Variants in RORA observed in about 807,000 individuals in gnomAD.
RORA encodes RAR related orphan receptor A.
RORA carries 7 observed loss-of-function variants against 69.5 expected under a neutral mutation model. That is an observed-to-expected ratio of 0.10 (90% CI 0.06 to 0.19). The LOEUF is 0.19. Among genes scored for constraint, RORA ranks in the 10% least tolerant of loss-of-function variants. The pLI, the probability that RORA is intolerant of heterozygous loss-of-function variation, is 1.00. For synonymous variants in RORA, 261 were observed against 240.8 expected (o/e 1.08, Z -0.78); for missense variants, 457 against 663.0 (o/e 0.69, Z 3.41).
intron 1 of RORA, among the ~76,000 whole-genome samples, chr15:61,215,118 C>T (rs1260335325): frequency 2.8e-5 from 4 of 143,420 alleles, no homozygotes; most frequent in South Asian, 2.2e-4. Flanking sequence ...CTCATGACCT[C>T]GTGATCCGCC....
intron 5 of RORA, among the ~76,000 whole-genome samples, chr15:60,509,561 A>T (rs558920906): frequency 6.6e-5 from 10 of 152,194 alleles, no homozygotes; most frequent in Admixed American, 1.3e-4. Context: ...CCTAAGGCCT[A>T]TGGATTTATT....
At chr15:61,163,043 T>C (rs539840294) in intron 1 of RORA, among the ~76,000 whole-genome samples, 124 of 152,342 alleles carry the variant, frequency 8.1e-4, no homozygotes, top group African/African-American at 2.8e-3. Flanking sequence ...TCAATGCCAA[T>C]GGCTCCAAGT....
rs912873966 is a variant in RORA, at chr15:60,489,981, A to G, written c.*7474T>C. ...AAAGTAAATGCTAATAAGTTTCCAT[A>G]TAGCCATATTTATAAACAAATTCAC... On this transcript the variant is annotated 3_prime_UTR_variant, in exon 11 of 11. Transcript: ENST00000335670. 6.6e-6 allele frequency: 1 copy of G among 152,158 alleles called. No homozygotes were observed. The highest frequency in any genetic ancestry group is 2.4e-5 in the African/African-American group (1 of 41,438). 9.4% of individuals were successfully genotyped at this position (152,158 alleles called of 1,614,324 possible). A position where few individuals can be genotyped will look rare whatever the true frequency, so the allele number is the denominator to read the frequency against.
intron 1 of RORA, among the ~76,000 whole-genome samples, chr15:61,006,870 C>G (rs1351145291): frequency 6.6e-6 from 1 of 152,166 alleles, no homozygotes; most frequent in African/African-American, 2.4e-5. Context: ...GGTTTTCAAA[C>G]TAGAAAATGT....
chr15:60,954,182 T>A (rs1893194735), intron 1 of RORA, among the ~76,000 whole-genome samples: 1 of 143,398 alleles, frequency 7.0e-6, no homozygotes, highest in South Asian at 2.3e-4. Context: ...CTCAGTAAAC[T>A]ATCGCAAGAA....
intron 1 of RORA, among the ~76,000 whole-genome samples, chr15:61,211,101 C>A (rs1043193525): frequency 1.3e-5 from 2 of 152,108 alleles, no homozygotes; most frequent in Non-Finnish European, 2.9e-5. Flanking sequence ...TTCTTCAGGG[C>A]TCAATTATAA....
chr15:60,956,089 G>A (rs1366835327), intron 1 of RORA, among the ~76,000 whole-genome samples: 1 of 152,160 alleles, frequency 6.6e-6, no homozygotes, highest in Non-Finnish European at 1.5e-5. Flanking sequence ...ACAAAAAGAA[G>A]CAGGGCAAGC....
At chr15:61,127,491 A>T (rs567211189) in intron 1 of RORA, among the ~76,000 whole-genome samples, 8 of 152,202 alleles carry the variant, frequency 5.3e-5, no homozygotes, top group Admixed American at 2.6e-4. Context: ...CTGACTTGAA[A>T]TGTCTGGCAA....
intron 1 of RORA, among the ~76,000 whole-genome samples, chr15:60,940,789 T>C (rs1892671054): frequency 6.6e-6 from 1 of 152,188 alleles, no homozygotes; most frequent in East Asian, 1.9e-4. Flanking sequence ...TAGCCGGGCA[T>C]GGTGGCGCGT....
intron 1 of RORA, among the ~76,000 whole-genome samples, chr15:60,819,765 A>ACACACACACACACG (rs1555455757): frequency 1.6e-5 from 2 of 124,340 alleles, no homozygotes; most frequent in African/African-American, 5.3e-5. Context: ...ACACACACAC[A>ACACACACACACACG]CACACACACA....
At chr15:61,172,909 C>T (rs972460445) in intron 1 of RORA, among the ~76,000 whole-genome samples, 1 of 152,116 alleles carries the variant, frequency 6.6e-6, no homozygotes, top group Non-Finnish European at 1.5e-5. Context: ...TTTGAGAAGC[C>T]TCTGCAAGTT....
chr15:60,717,183 G>A (rs1478021712), intron 1 of RORA, among the ~76,000 whole-genome samples: 1 of 152,170 alleles, frequency 6.6e-6, no homozygotes, highest in African/African-American at 2.4e-5. Context: ...TACTTGGTGT[G>A]TGGGAAAAAC....
chr15:60,933,931 CCA>C (rs569756885), intron 1 of RORA, among the ~76,000 whole-genome samples: 1 of 152,176 alleles, frequency 6.6e-6, no homozygotes, highest in Non-Finnish European at 1.5e-5. Flanking sequence ...TTTGAAGGGC[CCA>C]GAGAGGCTGG....
intron 1 of RORA, among the ~76,000 whole-genome samples, chr15:60,702,397 A>T (rs2070996839): frequency 6.6e-6 from 1 of 151,896 alleles, no homozygotes; most frequent in African/African-American, 2.4e-5. Flanking sequence ...ATGCCTGGCT[A>T]ATTTTTGTAT....
intron 3 of RORA, among the ~76,000 whole-genome samples, chr15:60,524,701 G>T (rs1376823370): frequency 6.6e-6 from 1 of 152,196 alleles, no homozygotes; most frequent in African/African-American, 2.4e-5. Flanking sequence ...ACTTAGAGAA[G>T]TCAATAAATA....
At chr15:60,874,774 A>G (rs2073595420) in intron 1 of RORA, among the ~76,000 whole-genome samples, 1 of 152,220 alleles carries the variant, frequency 6.6e-6, no homozygotes, top group Non-Finnish European at 1.5e-5. Context: ...AAGTAGGATC[A>G]TGGTTAAAAG....
intron 1 of RORA, among the ~76,000 whole-genome samples, chr15:60,898,035 A>C (rs1270928250): frequency 1.3e-5 from 2 of 152,226 alleles, no homozygotes; most frequent in Non-Finnish European, 2.9e-5. Flanking sequence ...AAAAACTGTA[A>C]GATTAGGAAA....
intron 1 of RORA, among the ~76,000 whole-genome samples, chr15:61,003,789 G>C (rs562900928): frequency 2.0e-5 from 3 of 152,156 alleles, no homozygotes; most frequent in Non-Finnish European, 4.4e-5. Context: ...CTGAAATCTG[G>C]GGAAAGGTAC....
chr15:60,501,959 T>C (rs114422766), intron 8 of RORA, among the ~76,000 whole-genome samples: 1,622 of 152,352 alleles, frequency 0.011, 29 homozygotes, highest in African/African-American at 0.037. Flanking sequence ...GTTCATTTTA[T>C]TTAAATTATA....
Sources: gnomAD v4.1 joint callset for allele counts (sites outside exome capture counted in the v4.1 genomes callset) on GRCh38, gnomAD v4.1.1 for gene constraint, MANE v1.5 for transcripts, NCBI Gene and HGNC (gene_info 2026-07-23, HGNC 2026-07-21) for gene names.